TBCK: variants seen among roughly 807,000 people sequenced by gnomAD.
TBCK encodes the protein TBC domain-containing protein kinase-like protein.
Under a neutral mutation model 113.4 loss-of-function variants are expected in TBCK, and 99 were observed. The observed-to-expected ratio is 0.87, with a 90% CI of 0.74 to 1.03. The LOEUF is 1.03. TBCK is among the 50% of genes least tolerant of loss of function. The pLI is 0.00. For missense variants in TBCK, 1,045 were observed against 1,061.3 expected, an observed-to-expected ratio of 0.98 and a Z score of 0.21; for synonymous variants, 369 against 370.8, an observed-to-expected ratio of 1.00 and a Z score of 0.05.
intron 25 of TBCK, 26 bp downstream of exon 25, chr4:106,095,456 C>T (rs376017351): frequency 6.2e-7 from 1 of 1,606,060 alleles, no homozygotes. Flanking sequence ...ATCATATGTA[C>T]ATATGACATT....
At chr4:106,301,736 A>G (rs1445254038) in intron 2 of TBCK, among the ~76,000 whole-genome samples, 1 of 152,218 alleles carries the variant, frequency 6.6e-6, no homozygotes, top group Non-Finnish European at 1.5e-5. Context: ...TAAGAAGTCA[A>G]TTGTTACTGA....
At chr4:106,185,250 T>C (rs1386879699) in intron 22 of TBCK, among the ~76,000 whole-genome samples, 3 of 152,078 alleles carry the variant, frequency 2.0e-5, no homozygotes, top group Non-Finnish European at 4.4e-5. Flanking sequence ...TGGTATATTA[T>C]TTCTATAAAT....
chr4:106,112,431 T>C (rs192495224), intron 24 of TBCK, among the ~76,000 whole-genome samples: 91 of 152,326 alleles, frequency 6.0e-4, no homozygotes, highest in Non-Finnish European at 9.8e-4. Context: ...CAGTGTTTAC[T>C]GATGGCTCTG....
chr4:106,295,899 T>C (rs1766251022), intron 2 of TBCK, among the ~76,000 whole-genome samples: 3 of 152,150 alleles, frequency 2.0e-5, no homozygotes, highest in Admixed American at 2.0e-4. Context: ...TATGAGTTTT[T>C]TCAAATTGTC....
At position 106,235,317 on chromosome 4, in the gene TBCK, A is replaced by T; in HGVS notation, c.1401T>A (p.Ile467=). The T allele has an allele frequency of 6.2e-7, 1 of 1,611,116 alleles. No homozygotes were observed. The highest frequency in any genetic ancestry group is 8.5e-7 in the Non-Finnish European group (1 of 1,178,658). Residue 467 remains isoleucine, a synonymous_variant, in exon 15 of 26, where the codon ATT becomes ATA. Coordinates refer to ENST00000394708, the MANE Select transcript of TBCK (RefSeq NM_001163435.3). ...AGGTTAAACCTCTCATAAGAGGAGGAATGTCAACTCTTGCTTCTTTCCAGA... is the reference window on the plus strand; with the variant it reads ...AGGTTAAACCTCTCATAAGAGGAGGTATGTCAACTCTTGCTTCTTTCCAGA... The part of the protein sequence containing the change: ...NQIWKEARVD[I]PPLMRGLTWA...
At chr4:106,197,405 GTGTGTGTATA>G (rs1754372208) in intron 20 of TBCK, among the ~76,000 whole-genome samples, 1 of 105,786 alleles carries the variant, frequency 9.5e-6, no homozygotes. Flanking sequence ...GTGTGTGTGT[GTGTGTGTATA>G]TATATATATA....
intron 23 of TBCK, among the ~76,000 whole-genome samples, chr4:106,159,383 C>T (rs1173674784): frequency 6.6e-6 from 1 of 151,920 alleles, no homozygotes; most frequent in Non-Finnish European, 1.5e-5. Flanking sequence ...CTAAAAAATA[C>T]CCTAAACATT....
intron 5 of TBCK, among the ~76,000 whole-genome samples, chr4:106,253,852 G>A (rs996429986): frequency 6.6e-6 from 1 of 152,152 alleles, no homozygotes; most frequent in African/African-American, 2.4e-5. Flanking sequence ...ACAAGACTTA[G>A]CAAATAAGTG....
At chr4:106,081,910 C>T (rs1050939070) in intron 25 of TBCK, among the ~76,000 whole-genome samples, 2 of 152,158 alleles carry the variant, frequency 1.3e-5, no homozygotes, top group Admixed American at 1.3e-4. Flanking sequence ...GAGATACCAT[C>T]TCACATCAGT....
At chr4:106,136,088 A>C (rs769984844) in intron 23 of TBCK, among the ~76,000 whole-genome samples, 1 of 141,948 alleles carries the variant, frequency 7.0e-6, no homozygotes, top group Non-Finnish European at 1.6e-5. Flanking sequence ...ATCTAGATTA[A>C]GTGATGGCAT....
intron 23 of TBCK, among the ~76,000 whole-genome samples, chr4:106,134,911 T>G (rs1488918436): frequency 6.6e-6 from 1 of 152,176 alleles, no homozygotes; most frequent in Non-Finnish European, 1.5e-5. Context: ...GCTCTTCTAT[T>G]TACCTCACAA....
intron 3 of TBCK, among the ~76,000 whole-genome samples, chr4:106,287,794 T>A (rs1765269438): frequency 6.6e-6 from 1 of 152,186 alleles, no homozygotes; most frequent in African/African-American, 2.4e-5. Context: ...GAAAAGCTTT[T>A]ATAACAGATG....
chr4:106,193,335 T>C (rs1300998998), intron 22 of TBCK, among the ~76,000 whole-genome samples: 1 of 152,106 alleles, frequency 6.6e-6, no homozygotes, highest in African/African-American at 2.4e-5. Context: ...AGAGCAAATA[T>C]GATATTGCCC....
intron 23 of TBCK, among the ~76,000 whole-genome samples, chr4:106,152,373 T>C (rs1332007764): frequency 1.3e-5 from 2 of 152,100 alleles, no homozygotes; most frequent in African/African-American, 2.4e-5. Flanking sequence ...TCTATTGATA[T>C]GACATAACAC....
chr4:106,155,017 A>G (rs1212165625), intron 23 of TBCK, among the ~76,000 whole-genome samples: 1 of 151,982 alleles, frequency 6.6e-6, no homozygotes. Context: ...TGTTTGAAGT[A>G]CTGCCTTTAG....
intron 24 of TBCK, among the ~76,000 whole-genome samples, chr4:106,112,478 G>A (rs904382169): frequency 2.0e-5 from 3 of 152,138 alleles, no homozygotes; most frequent in African/African-American, 4.8e-5. Flanking sequence ...TGGAAATCAC[G>A]TAATTCCCTC....
chr4:106,183,945 C>T lies in TBCK; in HGVS notation c.2059+9664G>A, dbSNP rs373146382. 2.0e-4 allele frequency among the ~76,000 whole-genome samples: 31 copies of T among 152,070 alleles called. No individual in the cohort carries two copies. The South Asian group carries it at 6.0e-3, about 29-fold the overall frequency. ...AAACATCATCAAGATCACAAAAAAT[C>T]CCTTTATGCTCCTAGCAGGTATTGA... On this transcript the variant is annotated intron_variant, in intron 22 of 25. Transcript: ENST00000394708.
intron 3 of TBCK, among the ~76,000 whole-genome samples, chr4:106,281,599 TTTG>T (rs1764602910): frequency 6.6e-6 from 1 of 152,050 alleles, no homozygotes; most frequent in African/African-American, 2.4e-5. Flanking sequence ...ATATCCCTAG[TTTG>T]TTAAGGGTTT....
At chr4:106,073,927 C>T (rs1737843634) in intron 25 of TBCK, among the ~76,000 whole-genome samples, 1 of 152,194 alleles carries the variant, frequency 6.6e-6, no homozygotes, top group South Asian at 2.1e-4. Flanking sequence ...GAGCCAGGCA[C>T]AGGATATAAT....
Sources: allele counts gnomAD v4.1 joint callset (sites outside exome capture counted in the v4.1 genomes callset), GRCh38; gene constraint gnomAD v4.1.1; transcripts MANE v1.5; gene names NCBI Gene and HGNC (gene_info 2026-07-23, HGNC 2026-07-21).